Variants in DLG2 observed in about 807,000 individuals in gnomAD.
The protein encoded by DLG2 is disks large homolog 2.
In DLG2, 45 loss-of-function variants were observed where a neutral mutation model predicts 132.5. The ratio of observed to expected loss-of-function variants is 0.34; its 90% confidence interval spans 0.27 to 0.44. The LOEUF is 0.44. DLG2 is among the 20% of genes least tolerant of loss of function. The pLI, the probability that DLG2 is intolerant of heterozygous loss-of-function variation, is 1.00. For synonymous variants in DLG2, 424 were observed against 419.6 expected (o/e 1.01, Z -0.13); for missense variants, 1,045 against 1,196.9 (o/e 0.87, Z 1.87).
At chr11:84,943,847 T>C (rs994851708) in intron 6 of DLG2, among the ~76,000 whole-genome samples, 1 of 152,238 alleles carries the variant, frequency 6.6e-6, no homozygotes, top group Non-Finnish European at 1.5e-5. Flanking sequence ...TTTTGTACCT[T>C]CAGATGATTT....
intron 8 of DLG2, among the ~76,000 whole-genome samples, chr11:84,178,197 G>T (rs2096020909): frequency 6.6e-6 from 1 of 152,074 alleles, no homozygotes; most frequent in Admixed American, 6.6e-5. Flanking sequence ...GCAGAATGTG[G>T]GAAAATCCCA....
intron 18 of DLG2, among the ~76,000 whole-genome samples, chr11:83,680,355 T>C (rs754003468): frequency 6.6e-6 from 1 of 152,208 alleles, no homozygotes; most frequent in Non-Finnish European, 1.5e-5. Flanking sequence ...ATAAACTACC[T>C]TGTTCTTGGC....
At chr11:85,418,967 T>C (rs1182859237) in intron 3 of DLG2, among the ~76,000 whole-genome samples, 2 of 152,206 alleles carry the variant, frequency 1.3e-5, no homozygotes, top group African/African-American at 4.8e-5. Context: ...AATTTGATCC[T>C]GTCATTATGA....
At chr11:85,486,027 A>C (rs2093420880) in intron 3 of DLG2, among the ~76,000 whole-genome samples, 1 of 151,938 alleles carries the variant, frequency 6.6e-6, no homozygotes. Context: ...AGTAGACTTC[A>C]CTCCTCATGT....
chr11:85,439,082 G>T (rs908990227), intron 3 of DLG2, among the ~76,000 whole-genome samples: 1 of 152,204 alleles, frequency 6.6e-6, no homozygotes, highest in Admixed American at 6.5e-5. Context: ...TTGTTTAACT[G>T]TTCACCTACT....
At chr11:84,583,375 A>G (rs1431525859) in intron 6 of DLG2, among the ~76,000 whole-genome samples, 1 of 152,208 alleles carries the variant, frequency 6.6e-6, no homozygotes, top group African/African-American at 2.4e-5. Flanking sequence ...GCTGCATTTC[A>G]TGTCTGTCAT....
intron 6 of DLG2, among the ~76,000 whole-genome samples, chr11:84,678,532 C>T (rs2099720715): frequency 6.6e-6 from 1 of 152,024 alleles, no homozygotes; most frequent in Non-Finnish European, 1.5e-5. Flanking sequence ...TTCTTTCATT[C>T]TAGGAGCTTC....
At chr11:85,083,433 T>C (rs755196636) in intron 6 of DLG2, among the ~76,000 whole-genome samples, 5 of 152,172 alleles carry the variant, frequency 3.3e-5, no homozygotes, top group Non-Finnish European at 5.9e-5. Context: ...TTTCAATCGA[T>C]TTAAAAGTTT....
chr11:84,195,748 A>G (rs1374146485), intron 8 of DLG2, among the ~76,000 whole-genome samples: 5 of 152,200 alleles, frequency 3.3e-5, no homozygotes, highest in Non-Finnish European at 5.9e-5. Flanking sequence ...CAACCTCCCC[A>G]GTGTAAGCCA....
At chr11:85,232,412 T>C (rs72947957) in intron 4 of DLG2, among the ~76,000 whole-genome samples, 11,121 of 151,938 alleles carry the variant, frequency 0.073, 493 homozygotes, top group East Asian at 0.11. Flanking sequence ...CAGTTATTAT[T>C]GAACCATCAG....
chr11:84,227,972 A>G (rs2097030077), intron 8 of DLG2, among the ~76,000 whole-genome samples: 1 of 152,112 alleles, frequency 6.6e-6, no homozygotes, highest in South Asian at 2.1e-4. Flanking sequence ...TCACACCACA[A>G]AATCTGGACT....
chr11:83,595,631 C>A lies in DLG2; in HGVS notation c.1940+37580G>T, dbSNP rs555786986. ...GGAACTAAAAATGCTGTTACTGATGCGGTCTCAGGCTGATCCTCAGCAAAC... is the reference window on the plus strand; with the variant it reads ...GGAACTAAAAATGCTGTTACTGATGAGGTCTCAGGCTGATCCTCAGCAAAC... On this transcript the variant is annotated intron_variant, in intron 19 of 27. Transcript: ENST00000376104. Among the ~76,000 whole-genome samples the A allele has an allele frequency of 1.7e-3, 254 of 152,312 alleles. 1 individual carries two copies. Among genetic ancestry groups the A allele is most frequent in the African/African-American group, 5.9e-3 (244 of 41,566 alleles).
At chr11:83,956,861 A>G (rs2087002273) in intron 14 of DLG2, among the ~76,000 whole-genome samples, 1 of 152,182 alleles carries the variant, frequency 6.6e-6, no homozygotes, top group South Asian at 2.1e-4. Context: ...GTTTATATAA[A>G]ACACAATTAA....
intron 18 of DLG2, among the ~76,000 whole-genome samples, chr11:83,646,052 A>T (rs938280797): frequency 1.3e-5 from 2 of 152,098 alleles, no homozygotes; most frequent in Non-Finnish European, 2.9e-5. Flanking sequence ...GATACAATCT[A>T]CTTATGTTTG....
intron 7 of DLG2, among the ~76,000 whole-genome samples, chr11:84,261,406 G>A (rs2097546601): frequency 6.6e-6 from 1 of 152,018 alleles, no homozygotes; most frequent in South Asian, 2.1e-4. Flanking sequence ...ATCCTGCAAG[G>A]ACAATCTAAA....
chr11:83,858,059 C>A (rs2060834721), intron 16 of DLG2, among the ~76,000 whole-genome samples: 1 of 151,984 alleles, frequency 6.6e-6, no homozygotes, highest in African/African-American at 2.4e-5. Context: ...CACTGGGGAC[C>A]AAAAACAAAG....
At chr11:85,008,343 T>C (rs187012086) in intron 6 of DLG2, among the ~76,000 whole-genome samples, 3 of 152,294 alleles carry the variant, frequency 2.0e-5, no homozygotes, top group Non-Finnish European at 2.9e-5. Flanking sequence ...CCTTGATTCT[T>C]ACTGTCTAGC....
intron 3 of DLG2, among the ~76,000 whole-genome samples, chr11:85,585,715 G>GTT (rs200477698): frequency 0.016 from 2,294 of 144,294 alleles, 62 homozygotes; most frequent in African/African-American, 0.053. Context: ...ATATATCACA[G>GTT]TTTTTTTTTT....
chr11:85,527,649 A>G (rs537742098), intron 3 of DLG2, among the ~76,000 whole-genome samples: 2 of 152,304 alleles, frequency 1.3e-5, no homozygotes, highest in East Asian at 1.9e-4. Context: ...TAGTGCTGCA[A>G]TAAACATACT....
Sources: gnomAD v4.1 joint callset for allele counts (sites outside exome capture counted in the v4.1 genomes callset) on GRCh38, gnomAD v4.1.1 for gene constraint, MANE v1.5 for transcripts, NCBI Gene and HGNC (gene_info 2026-07-23, HGNC 2026-07-21) for gene names.